The following CSMD3 variants were observed in gnomAD, a reference collection of about 807,000 sequenced individuals.
CSMD3 encodes CUB and sushi domain-containing protein 3.
Under a neutral mutation model 435.2 loss-of-function variants are expected in CSMD3, and 177 were observed. That is an observed-to-expected ratio of 0.41 (90% CI 0.36 to 0.46). The LOEUF (loss-of-function observed/expected upper bound fraction) is 0.46, where lower values mean the gene tolerates loss of function less well. Among genes scored for constraint, CSMD3 ranks in the 20% least tolerant of loss-of-function variants. CSMD3 has a pLI of 0.34. For missense variants in CSMD3, 4,265 were observed against 4,504.6 expected, an observed-to-expected ratio of 0.95 and a Z score of 1.52; for synonymous variants, 1,656 against 1,520.5, an observed-to-expected ratio of 1.09 and a Z score of -2.07.
chr8:113,062,217 T>C (rs2088647937), intron 5 of CSMD3, among the ~76,000 whole-genome samples: 1 of 151,892 alleles, frequency 6.6e-6, no homozygotes, highest in South Asian at 2.1e-4. Context: ...TCATTGTTTA[T>C]TTATTGACAT....
At chr8:112,381,865 C>A (rs1336962619) in intron 37 of CSMD3, among the ~76,000 whole-genome samples, 1 of 152,116 alleles carries the variant, frequency 6.6e-6, no homozygotes, top group Non-Finnish European at 1.5e-5. Flanking sequence ...ACCAGGTCTG[C>A]TAGAAAGATC....
At chr8:112,399,073 C>T (rs370049892) in intron 35 of CSMD3, among the ~76,000 whole-genome samples, 22 of 151,852 alleles carry the variant, frequency 1.4e-4, no homozygotes, top group East Asian at 7.8e-4. Flanking sequence ...TGTGCCACCA[C>T]GCCCAGCTAA....
chr8:112,964,321 G>A (rs968396496), intron 7 of CSMD3, among the ~76,000 whole-genome samples: 8 of 151,836 alleles, frequency 5.3e-5, no homozygotes, highest in Admixed American at 2.0e-4. Flanking sequence ...TGCAATTAGT[G>A]TATCCTATCC....
intron 32 of CSMD3, among the ~76,000 whole-genome samples, chr8:112,450,272 A>G (rs16883607): frequency 0.017 from 2,664 of 152,288 alleles, 79 homozygotes; most frequent in African/African-American, 0.061. Context: ...GAACCATACT[A>G]TCAAAGGTTA....
At chr8:112,745,669 C>A (rs899944890) in intron 13 of CSMD3, among the ~76,000 whole-genome samples, 1 of 151,172 alleles carries the variant, frequency 6.6e-6, no homozygotes, top group Non-Finnish European at 1.5e-5. Context: ...TTCTAAGTTT[C>A]TTTTTTTTGT....
chr8:112,651,943 T>C (rs1474668917), intron 18 of CSMD3, among the ~76,000 whole-genome samples: 1 of 152,160 alleles, frequency 6.6e-6, no homozygotes, highest in Non-Finnish European at 1.5e-5. Flanking sequence ...TCATGTATTA[T>C]TTCTCTTACC....
chr8:113,041,233 G>GGAA (rs2087601345), intron 5 of CSMD3, among the ~76,000 whole-genome samples: 1 of 74,296 alleles, frequency 1.3e-5, no homozygotes. Flanking sequence ...GGGTGGGGGG[G>GGAA]AAGGGAAGTT....
chr8:112,298,990 G>A (rs1820634551), intron 53 of CSMD3, among the ~76,000 whole-genome samples: 1 of 152,062 alleles, frequency 6.6e-6, no homozygotes, highest in Non-Finnish European at 1.5e-5. Context: ...GAGAATGGCT[G>A]AAATGTGGCA....
At chr8:113,234,292 T>C (rs1365805386) in intron 3 of CSMD3, among the ~76,000 whole-genome samples, 1 of 152,098 alleles carries the variant, frequency 6.6e-6, no homozygotes, top group Non-Finnish European at 1.5e-5. Context: ...TGGCATCGAA[T>C]CTTTCCAGTT....
At position 112,525,784 on chromosome 8, in the gene CSMD3, G is replaced by GTA. The variant is rs1025370439; in HGVS notation, c.4565-8561_4565-8560dup. On this transcript the variant is annotated intron_variant, in intron 27 of 70. Transcript: ENST00000297405. ...TATATATATATATTTATATGTGTGT[G>GTA]TATATATATATGTATATATATATAT... Among the ~76,000 whole-genome samples the GTA allele has an allele frequency of 6.1e-3, 795 of 129,444 alleles. 7 individuals are homozygous for GTA. The highest frequency in any genetic ancestry group is 0.017 in the African/African-American group (587 of 34,090). The allele number at this position is 129,444 out of a possible 152,430, so 84.9% of individuals were successfully genotyped here.
chr8:113,334,863 T>C (rs2094058990), intron 1 of CSMD3, among the ~76,000 whole-genome samples: 1 of 152,116 alleles, frequency 6.6e-6, no homozygotes, highest in Non-Finnish European at 1.5e-5. Context: ...TTATTAATAG[T>C]GTGCCTTTCA....
At chr8:112,552,151 T>G (rs964699444) in intron 26 of CSMD3, among the ~76,000 whole-genome samples, 1 of 152,100 alleles carries the variant, frequency 6.6e-6, no homozygotes, top group African/African-American at 2.4e-5. Flanking sequence ...TTATTTCTCC[T>G]AATTGTTAAT....
intron 7 of CSMD3, among the ~76,000 whole-genome samples, chr8:112,971,574 T>A (rs932408320): frequency 7.9e-5 from 12 of 152,194 alleles, no homozygotes; most frequent in African/African-American, 2.9e-4. Flanking sequence ...TTTGCAAATA[T>A]AAAATTTTAG....
intron 32 of CSMD3, among the ~76,000 whole-genome samples, chr8:112,436,706 C>T (rs958402331): frequency 5.5e-5 from 8 of 146,628 alleles, no homozygotes; most frequent in African/African-American, 2.2e-4. Flanking sequence ...TACAGATATA[C>T]ACACACACAT....
At chr8:113,326,604 G>A (rs528868794) in intron 1 of CSMD3, among the ~76,000 whole-genome samples, 1 of 152,208 alleles carries the variant, frequency 6.6e-6, no homozygotes, top group African/African-American at 2.4e-5. Context: ...ATGAAGAAAT[G>A]TGTAAGTGTT....
At chr8:112,627,360 T>C (rs1834566073) in intron 22 of CSMD3, among the ~76,000 whole-genome samples, 1 of 152,118 alleles carries the variant, frequency 6.6e-6, no homozygotes, top group African/African-American at 2.4e-5. Context: ...TCACCCAGAG[T>C]TTAGACAAAG....
At chr8:112,886,610 G>A (rs1297519625) in intron 10 of CSMD3, among the ~76,000 whole-genome samples, 2 of 150,824 alleles carry the variant, frequency 1.3e-5, no homozygotes, top group Admixed American at 1.3e-4. Context: ...TTAGAGCTTT[G>A]CCTATTTTAT....
intron 12 of CSMD3, among the ~76,000 whole-genome samples, chr8:112,817,687 G>A (rs1479322947): frequency 1.3e-5 from 2 of 152,064 alleles, no homozygotes; most frequent in African/African-American, 4.8e-5. Context: ...GAGATAGAGA[G>A]AGAGAGAGAA....
chr8:112,981,394 T>C lies in CSMD3; in HGVS notation c.1031-5246A>G, dbSNP rs1235278884. ...GTAAATACTAATTTAAAAATATAAT[T>C]GAGTTTAAATACATATCACCTTTCT... On this transcript the variant is annotated intron_variant, in intron 6 of 70. Coordinates refer to ENST00000297405, the MANE Select transcript of CSMD3 (RefSeq NM_198123.2). 3.3e-5 allele frequency among the ~76,000 whole-genome samples: 5 copies of C among 151,482 alleles called. No individual in the cohort carries two copies. In the East Asian group the frequency reaches 9.6e-4, roughly 29 times the overall value.
Sources: gnomAD v4.1 joint callset for allele counts (sites outside exome capture counted in the v4.1 genomes callset) on GRCh38, gnomAD v4.1.1 for gene constraint, MANE v1.5 for transcripts, NCBI Gene and HGNC (gene_info 2026-07-23, HGNC 2026-07-21) for gene names.